The following LCK variants were observed in gnomAD, a reference collection of about 807,000 sequenced individuals.
The protein encoded by LCK is LCK proto-oncogene, Src family tyrosine kinase.
Under a neutral mutation model 64.6 loss-of-function variants are expected in LCK, and 14 were observed. The observed-to-expected ratio is 0.22, with a 90% CI of 0.14 to 0.34. The LOEUF is 0.34. Among genes scored for constraint, LCK ranks in the 10% least tolerant of loss-of-function variants. LCK has a pLI of 1.00. For missense variants in LCK, 434 were observed against 668.1 expected, an observed-to-expected ratio of 0.65 and a Z score of 3.86; for synonymous variants, 277 against 263.6, an observed-to-expected ratio of 1.05 and a Z score of -0.49.
At chr1:32,259,820 G>C (rs1168433688) in intron 1 of LCK, among the ~76,000 whole-genome samples, 1 of 151,642 alleles carries the variant, frequency 6.6e-6, no homozygotes, top group East Asian at 1.9e-4. Context: ...GCAAGACCCT[G>C]TCTCAAAATA....
At chr1:32,284,005 C>T (rs908378685) in intron 12 of LCK, among the ~76,000 whole-genome samples, 4 of 151,976 alleles carry the variant, frequency 2.6e-5, no homozygotes, top group Non-Finnish European at 2.9e-5. Flanking sequence ...CTCAGTCTCT[C>T]GGGTAGCTGG....
At chr1:32,252,379 C>T (rs1450355493) in intron 1 of LCK, among the ~76,000 whole-genome samples, 2 of 152,182 alleles carry the variant, frequency 1.3e-5, no homozygotes, top group Non-Finnish European at 2.9e-5. Context: ...TACCTGCTCA[C>T]CTCCTCACTT....
At chr1:32,280,402 T>A (rs2124370323) in intron 12 of LCK, among the ~76,000 whole-genome samples, 192 bp downstream of exon 12, 1 of 151,544 alleles carries the variant, frequency 6.6e-6, no homozygotes, top group Admixed American at 6.6e-5. Context: ...TATCTCTCTT[T>A]AATAACCCCA....
At position 32,261,423 on chromosome 1, in the gene LCK, G is replaced by A. The variant is rs192487346; in HGVS notation, c.-6+10052G>A. ...AGCACTTTGGGAGGCCGAGGTGGGC[G>A]GATCACGAAGTCAGGAGTTCAAGAC... is the stretch of plus-strand genomic sequence containing the variant. On this transcript the variant is annotated intron_variant, in intron 1 of 12. Coordinates refer to ENST00000336890, the MANE Select transcript of LCK (RefSeq NM_005356.5). Among the ~76,000 whole-genome samples, 51 of 149,246 alleles carry A rather than the reference G, an allele frequency of 3.4e-4. No homozygotes were observed. In the East Asian group the frequency reaches 7.0e-3, roughly 20 times the overall value.
intron 9 of LCK, among the ~76,000 whole-genome samples, chr1:32,277,609 T>C (rs1471287948): frequency 6.6e-6 from 1 of 152,194 alleles, no homozygotes; most frequent in African/African-American, 2.4e-5. Flanking sequence ...CGATTTGCCG[T>C]GTGACAGGCC....
chr1:32,270,485 C>T (rs1050226334), intron 1 of LCK, among the ~76,000 whole-genome samples: 2 of 151,628 alleles, frequency 1.3e-5, no homozygotes, highest in African/African-American at 4.9e-5. Flanking sequence ...ACCTCTGCCT[C>T]CCGGGTTCAA....
chr1:32,272,364 G>A lies in LCK; in HGVS notation c.-5-1961G>A, dbSNP rs149174344. 1.7e-3 allele frequency among the ~76,000 whole-genome samples: 256 copies of A among 152,258 alleles called. 1 individual carries two copies. Among genetic ancestry groups the A allele is most frequent in the African/African-American group, 5.8e-3 (242 of 41,568 alleles). On this transcript the variant is annotated intron_variant, in intron 1 of 12. Transcript: ENST00000336890. The stretch of plus-strand genomic sequence containing the variant: ...AGCATTTGGGGAGGCCAAGGCAGGA[G>A]GATTGCTTGAGCCCAGGAGTTCGAG...
At chr1:32,277,765 G>T (rs1028476601) in intron 9 of LCK, among the ~76,000 whole-genome samples, 2 of 152,170 alleles carry the variant, frequency 1.3e-5, no homozygotes, top group Non-Finnish European at 2.9e-5. Context: ...TGATTTTATG[G>T]CTTTGTGATA....
chr1:32,283,034 G>A (rs1640507190), intron 12 of LCK, among the ~76,000 whole-genome samples: 2 of 151,422 alleles, frequency 1.3e-5, no homozygotes, highest in Non-Finnish European at 2.9e-5. Context: ...GGTCACGCCT[G>A]CAACCCAGCA....
rs191511212 is a variant in LCK, at chr1:32,285,398, A to G, written c.1328-116A>G. On this transcript the variant is annotated intron_variant, in intron 12 of 12. Transcript: ENST00000336890. ...TAGTGTGACCTTACCATTGATGAAG[A>G]CCAAGATTCTTTTGGATTGGTGCTC... 2.0e-4 allele frequency: 182 copies of G among 914,048 alleles called. No homozygotes were observed. In the African/African-American group the frequency reaches 2.3e-3, roughly 11 times the overall value. 56.6% of individuals were successfully genotyped at this position (914,048 alleles called of 1,614,324 possible). A position where few individuals can be genotyped will look rare whatever the true frequency, so the allele number is the denominator to read the frequency against.
rs142022555 is a variant in LCK at position 32,260,957 on chromosome 1, A to G, written c.-6+9586A>G. Among the ~76,000 whole-genome samples, 263 of 152,352 alleles carry G rather than the reference A, an allele frequency of 1.7e-3. 1 individual carries two copies. The highest frequency in any genetic ancestry group is 5.9e-3 in the African/African-American group (247 of 41,582). On this transcript the variant is annotated intron_variant, in intron 1 of 12. Transcript: ENST00000336890. ...TCTTGATGTAAAGCATTGGCCCAAG[A>G]AACTCAGCCACGAAGCTGGCACACA... is the stretch of plus-strand genomic sequence containing the variant.
chr1:32,282,620 A>G (rs973758032), intron 12 of LCK, among the ~76,000 whole-genome samples: 1 of 152,044 alleles, frequency 6.6e-6, no homozygotes. Flanking sequence ...CCTGGCCAAC[A>G]TGGTGAAACC....
chr1:32,285,838 A>G lies in LCK; in HGVS notation c.*122A>G. Reference sequence around the variant, plus strand: ...TGGACTCTGCACATGAATCCCACCCACATGTGACACATATGCACCTTGTGT... The same window carrying G: ...TGGACTCTGCACATGAATCCCACCCGCATGTGACACATATGCACCTTGTGT... On this transcript the variant is annotated 3_prime_UTR_variant, in exon 13 of 13. Transcript: ENST00000336890. 1.0e-6 allele frequency: 1 copy of G among 963,624 alleles called. No homozygotes were observed. Among genetic ancestry groups the G allele is most frequent in the Non-Finnish European group, 1.6e-6 (1 of 638,266 alleles). 59.7% of individuals were successfully genotyped at this position (963,624 alleles called of 1,614,324 possible). A position where few individuals can be genotyped will look rare whatever the true frequency, so the allele number is the denominator to read the frequency against.
At chr1:32,256,692 A>G (rs1198467197) in intron 1 of LCK, among the ~76,000 whole-genome samples, 2 of 152,126 alleles carry the variant, frequency 1.3e-5, no homozygotes, top group Non-Finnish European at 2.9e-5. Context: ...TACCTCACCC[A>G]TTACATTTTT....
intron 12 of LCK, among the ~76,000 whole-genome samples, chr1:32,281,882 G>C (rs1181680963): frequency 6.6e-6 from 1 of 151,848 alleles, no homozygotes; most frequent in Non-Finnish European, 1.5e-5. Flanking sequence ...GACCAACATG[G>C]TGAAACCCCG....
chr1:32,275,301 G>C lies in LCK; in HGVS notation c.279-20G>C, dbSNP rs762072590. 1.9e-6 allele frequency: 3 copies of C among 1,613,064 alleles called. No homozygotes were observed. The African/African-American group carries it at 4.0e-5, about 22-fold the overall frequency. On this transcript the variant is annotated intron_variant, in intron 4 of 12. Coordinates refer to ENST00000336890, the MANE Select transcript of LCK (RefSeq NM_005356.5). The surrounding 1 kb of genome is among the most constrained non-coding windows in gnomAD (Gnocchi z 6.9). ...GGTCGACGGCTGAGCGAGCCACACT[G>C]ACCCACCTCCGTGGCGCAGGAGCGG...
chr1:32,282,190 C>A (rs1640482287), intron 12 of LCK, among the ~76,000 whole-genome samples: 1 of 152,232 alleles, frequency 6.6e-6, no homozygotes, highest in African/African-American at 2.4e-5. Flanking sequence ...CAGAAATATT[C>A]TCCAGTTATC....
intron 3 of LCK, 49 bp downstream of exon 3, chr1:32,274,867 C>T (rs779605095): frequency 5.0e-6 from 8 of 1,613,860 alleles, no homozygotes; most frequent in Middle Eastern, 3.3e-4. Flanking sequence ...GGATCCCTGG[C>T]TGTTGGCTTC....
rs569304521 is a variant in LCK at position 32,282,935 on chromosome 1, C to T, written c.1328-2579C>T. The stretch of plus-strand genomic sequence containing the variant: ...TGGATTTAGCCTGTGGGCTTGCACC[C>T]TTAACTCTGGCCATGGGTGTTTAGT... On this transcript the variant is annotated intron_variant, in intron 12 of 12. Coordinates refer to ENST00000336890, the MANE Select transcript of LCK (RefSeq NM_005356.5). 4.6e-4 allele frequency among the ~76,000 whole-genome samples: 70 copies of T among 152,214 alleles called. 1 individual carries two copies. In the South Asian group the frequency reaches 0.015, roughly 32 times the overall value.
Sources: allele counts gnomAD v4.1 joint callset (sites outside exome capture counted in the v4.1 genomes callset), GRCh38; gene constraint gnomAD v4.1.1; non-coding constraint Gnocchi (gnomAD v3.1); transcripts MANE v1.5; gene names NCBI Gene and HGNC (gene_info 2026-07-23, HGNC 2026-07-21).